The following PI4KB variants were observed in gnomAD, a reference collection of about 807,000 sequenced individuals.
PI4KB encodes PtdIns 4-kinase beta.
A neutral mutation model predicts 81.4 loss-of-function variants in PI4KB; 23 were observed. The ratio of observed to expected loss-of-function variants is 0.28; its 90% CI spans 0.20 to 0.40. The LOEUF is 0.40. Ranked by LOEUF, PI4KB falls within the 10% of genes least tolerant of loss-of-function variation. The pLI is 1.00. For missense variants in PI4KB, 651 were observed against 1,036.6 expected, an observed-to-expected ratio of 0.63 and a Z score of 5.11; for synonymous variants, 381 against 406.8, an observed-to-expected ratio of 0.94 and a Z score of 0.76.
intron 3 of PI4KB, among the ~76,000 whole-genome samples, chr1:151,308,756 A>C (rs1695988045): frequency 6.6e-6 from 1 of 152,182 alleles, no homozygotes; most frequent in African/African-American, 2.4e-5. Flanking sequence ...CTTCTACCGT[A>C]AGGGGCATTT....
At chr1:151,326,465 A>ATCC (rs1649624341) in intron 1 of PI4KB, 2 of 406,474 alleles carry the variant, frequency 4.9e-6, no homozygotes, top group Admixed American at 8.2e-5. Flanking sequence ...GGATCAGAGA[A>ATCC]ATCCCTGAAA....
chr1:151,301,429 G>A (rs1053627705), intron 8 of PI4KB, among the ~76,000 whole-genome samples: 2 of 151,512 alleles, frequency 1.3e-5, no homozygotes, highest in East Asian at 1.9e-4. Flanking sequence ...ACGGAGTCTC[G>A]TTCTGTCGCC....
At chr1:151,299,169 A>G in intron 8 of PI4KB, 96 bp from the exon 9 acceptor site, 4 of 1,124,534 alleles carry the variant, frequency 3.6e-6, no homozygotes, top group South Asian at 1.4e-5. Flanking sequence ...TCTCCTTGGT[A>G]GCATTGAATT....
intron 4 of PI4KB, among the ~76,000 whole-genome samples, chr1:151,306,612 G>A (rs1437441332): frequency 1.3e-5 from 2 of 152,224 alleles, no homozygotes; most frequent in Non-Finnish European, 2.9e-5. Flanking sequence ...TACAGATGAT[G>A]TGCTTGGGCC....
intron 2 of PI4KB, among the ~76,000 whole-genome samples, chr1:151,311,486 A>G (rs1320068415): frequency 6.6e-6 from 1 of 152,230 alleles, no homozygotes; most frequent in East Asian, 1.9e-4. Context: ...GAGAAGCCAC[A>G]TTTGGAAACA....
chr1:151,292,445 C>T lies in PI4KB; in HGVS notation c.*407G>A, dbSNP rs751108529. On this transcript the variant is annotated 3_prime_UTR_variant, in exon 12 of 12. Coordinates refer to ENST00000368873, the MANE Select transcript of PI4KB (RefSeq NM_001369623.2). ...CAACCACAGGATCAAGTCCTAAGTACCGAGAACCTACTCTTCCCCACTTCC... is the reference window on the plus strand; with the variant it reads ...CAACCACAGGATCAAGTCCTAAGTATCGAGAACCTACTCTTCCCCACTTCC... 27 of 168,784 alleles carry T rather than the reference C, an allele frequency of 1.6e-4. No homozygotes were observed. Among genetic ancestry groups the T allele is most frequent in the Non-Finnish European group, 2.7e-4 (21 of 78,008 alleles). The allele number at this position is 168,784 out of a possible 1,614,324, so 10.5% of individuals were successfully genotyped here. A position where few individuals can be genotyped will look rare whatever the true frequency, so the allele number is the denominator to read the frequency against.
chr1:151,315,540 A>G, intron 2 of PI4KB, 33 bp downstream of exon 2: 1 of 1,495,208 alleles, frequency 6.7e-7, no homozygotes, highest in South Asian at 1.1e-5. Flanking sequence ...GCCCTCTACC[A>G]CCTTTTGTCT....
intron 10 of PI4KB, 122 bp from the exon 11 acceptor site, chr1:151,294,260 G>T: frequency 6.8e-7 from 1 of 1,472,686 alleles, no homozygotes; most frequent in Non-Finnish European, 9.1e-7. Context: ...CTTCCTTATT[G>T]GGCAGGAAGC....
At chr1:151,298,453 T>C in intron 9 of PI4KB, 1 of 241,222 alleles carries the variant, frequency 4.1e-6, no homozygotes, top group Non-Finnish European at 8.1e-6. Flanking sequence ...CACCTCCTAC[T>C]CCACTGCCAT....
At chr1:151,322,693 T>C (rs921407170) in intron 1 of PI4KB, among the ~76,000 whole-genome samples, 4 of 152,334 alleles carry the variant, frequency 2.6e-5, no homozygotes, top group South Asian at 4.1e-4. Context: ...TTTTCCTCCT[T>C]TTAAAGGATC....
At chr1:151,310,339 C>T (rs966303739) in intron 2 of PI4KB, 84 bp from the exon 3 acceptor site, 4 of 886,956 alleles carry the variant, frequency 4.5e-6, no homozygotes, top group Admixed American at 2.3e-5. Context: ...TTAGCTCCAA[C>T]TTGGATCGTA....
At chr1:151,303,001 T>G (rs188741288) in intron 6 of PI4KB, among the ~76,000 whole-genome samples, 3,087 of 144,134 alleles carry the variant, frequency 0.021, 107 homozygotes, top group African/African-American at 0.075. Context: ...TCTTGTTTTT[T>G]TTTTTTTTTT....
intron 6 of PI4KB, among the ~76,000 whole-genome samples, chr1:151,302,568 TTTTC>T (rs1396883396): frequency 1.4e-5 from 2 of 146,598 alleles, no homozygotes; most frequent in Non-Finnish European, 3.0e-5. Flanking sequence ...TGCATTTTTC[TTTTC>T]TTTTCTTTTT....
chr1:151,310,284 A>G lies in PI4KB; in HGVS notation c.910-29T>C, dbSNP rs587738955. 1.0e-5 allele frequency: 14 copies of G among 1,352,498 alleles called. No individual in the cohort carries two copies. In the South Asian group the frequency reaches 1.5e-4, roughly 14 times the overall value. 83.8% of individuals were successfully genotyped at this position (1,352,498 alleles called of 1,614,324 possible). On this transcript the variant is annotated intron_variant, in intron 2 of 11. Coordinates refer to ENST00000368873, the MANE Select transcript of PI4KB (RefSeq NM_001369623.2). ...GGAAAGGGCCAGAGGGCAAAGGGAGAAGGAGGGGGTGGGAAGGGAGGGGAG... is the reference window on the plus strand; with the variant it reads ...GGAAAGGGCCAGAGGGCAAAGGGAGGAGGAGGGGGTGGGAAGGGAGGGGAG...
chr1:151,296,799 A>G (rs1472742144), intron 9 of PI4KB, among the ~76,000 whole-genome samples: 1 of 135,618 alleles, frequency 7.4e-6, no homozygotes, highest in African/African-American at 2.8e-5. Context: ...TTTTTTTGAG[A>G]TGGAGTCTCA....
At chr1:151,293,907 A>T in intron 11 of PI4KB, 111 bp downstream of exon 11, 1 of 1,213,660 alleles carries the variant, frequency 8.2e-7, no homozygotes. Context: ...ACTCTCTGGG[A>T]ACCCCCCTCC....
At chr1:151,315,493 C>A in intron 2 of PI4KB, 80 bp downstream of exon 2, 1 of 903,378 alleles carries the variant, frequency 1.1e-6, no homozygotes, top group Non-Finnish European at 1.9e-6. Flanking sequence ...AACAGCGTAA[C>A]CCTGTGTGTA....
At position 151,315,735 on chromosome 1, in the gene PI4KB, G is replaced by A. The variant is rs1315086849; in HGVS notation, c.747C>T (p.His249=). ...TCAAGGAGGGCAGCTCCCTCTTCCTGTGAGCTGGCTTTAGCTCATCTGAGA... is the reference window on the plus strand; with the variant it reads ...TCAAGGAGGGCAGCTCCCTCTTCCTATGAGCTGGCTTTAGCTCATCTGAGA... The part of the protein sequence containing the change: ...LILSDELKPA[H]RKRELPSLSP... The change falls in exon 2 of 12, where the codon CAC becomes CAT. Residue 249 remains histidine, a synonymous_variant. Transcript: ENST00000368873. 2 of 1,614,058 alleles carry A rather than the reference G, an allele frequency of 1.2e-6. No individual in the cohort carries two copies. Among genetic ancestry groups the A allele is most frequent in the Admixed American group, 1.7e-5 (1 of 60,006 alleles).
At chr1:151,306,086 C>G in intron 5 of PI4KB, 50 bp downstream of exon 5, 1 of 1,456,270 alleles carries the variant, frequency 6.9e-7, no homozygotes, top group Non-Finnish European at 9.6e-7. Context: ...AGTGAAAGCT[C>G]CTGGAGAAAG....
Sources: allele counts gnomAD v4.1 joint callset (sites outside exome capture counted in the v4.1 genomes callset), GRCh38; gene constraint gnomAD v4.1.1; transcripts MANE v1.5; gene names NCBI Gene and HGNC (gene_info 2026-07-23, HGNC 2026-07-21).